The following SEC23IP variants were observed in gnomAD, a reference collection of about 807,000 sequenced individuals.
The protein encoded by SEC23IP is SEC23-interacting protein.
A neutral mutation model predicts 113.4 loss-of-function variants in SEC23IP; 70 were observed. That is an observed-to-expected ratio of 0.62 (90% CI 0.51 to 0.75). SEC23IP has a LOEUF of 0.75. Ranked by LOEUF, SEC23IP falls within the 30% of genes least tolerant of loss-of-function variation. The pLI is 0.00. For missense variants in SEC23IP, 1,160 were observed against 1,204.9 expected (o/e 0.96, Z 0.55); for synonymous variants, 398 against 421.0 (o/e 0.95, Z 0.67).
chr10:119,929,585 A>G, intron 13 of SEC23IP, 22 bp from the exon 14 acceptor site: 1 of 1,594,576 alleles, frequency 6.3e-7, no homozygotes, highest in Non-Finnish European at 8.6e-7. Context: ...ATCATCTTTC[A>G]TTGTTATTTG....
At chr10:119,906,690 C>T (rs1193671200) in intron 4 of SEC23IP, among the ~76,000 whole-genome samples, 3 of 152,098 alleles carry the variant, frequency 2.0e-5, no homozygotes, top group Non-Finnish European at 2.9e-5. Flanking sequence ...ATTCTCCTGC[C>T]TCAGCCTTCC....
At chr10:119,899,047 T>TA (rs1854389397) in intron 2 of SEC23IP, 88 bp downstream of exon 2, 1 of 1,117,340 alleles carries the variant, frequency 8.9e-7, no homozygotes, top group Non-Finnish European at 1.3e-6. Context: ...TTTCACATCT[T>TA]ATAATCAATA....
rs548789576 is a variant in SEC23IP, at chr10:119,905,279, C to A, written c.1101+1002C>A. 7.9e-5 allele frequency among the ~76,000 whole-genome samples: 12 copies of A among 152,116 alleles called. 1 individual carries two copies. Among genetic ancestry groups the A allele is most frequent in the Admixed American group, 7.9e-4 (12 of 15,286 alleles). ...TAAAGATATATTGTAATTTTTGGTA[C>A]CTTTTTGGTAGGCCCCTACGAAGCT... On this transcript the variant is annotated intron_variant, in intron 4 of 18. Coordinates refer to ENST00000369075, the MANE Select transcript of SEC23IP (RefSeq NM_007190.4).
chr10:119,925,502 T>G (rs1855391036), intron 12 of SEC23IP, among the ~76,000 whole-genome samples: 1 of 152,154 alleles, frequency 6.6e-6, no homozygotes, highest in African/African-American at 2.4e-5. Context: ...TCCCTAAATA[T>G]TTAGTATGCA....
intron 13 of SEC23IP, among the ~76,000 whole-genome samples, chr10:119,927,936 A>T (rs1014544310): frequency 6.6e-6 from 1 of 152,254 alleles, no homozygotes; most frequent in Non-Finnish European, 1.5e-5. Flanking sequence ...CTGTATTCTC[A>T]CTGGCAGTTT....
At chr10:119,921,946 T>C (rs1158323943) in intron 12 of SEC23IP, among the ~76,000 whole-genome samples, 2 of 134,414 alleles carry the variant, frequency 1.5e-5, no homozygotes, top group African/African-American at 5.8e-5. Context: ...ACTGATTTTT[T>C]TTTTAATGGT....
chr10:119,893,685 A>G (rs1156876785), intron 1 of SEC23IP, among the ~76,000 whole-genome samples: 1 of 151,736 alleles, frequency 6.6e-6, no homozygotes, highest in Non-Finnish European at 1.5e-5. Context: ...ATGCCTGGCT[A>G]ATTTTTGTAT....
chr10:119,908,152 G>A (rs1306008194), intron 4 of SEC23IP, among the ~76,000 whole-genome samples: 2 of 152,102 alleles, frequency 1.3e-5, no homozygotes, highest in Non-Finnish European at 2.9e-5. Flanking sequence ...CCAGTGCCCT[G>A]CAGAAACCAA....
At chr10:119,939,946 C>T (rs969647880) in intron 18 of SEC23IP, among the ~76,000 whole-genome samples, 1 of 152,178 alleles carries the variant, frequency 6.6e-6, no homozygotes, top group African/African-American at 2.4e-5. Flanking sequence ...ATCCACTTGC[C>T]TCGGCCTCCC....
In SEC23IP at chr10:119,915,743, TGAA is replaced by T. The variant is rs1589835529; in HGVS notation, c.1403-3_1403-1del. On this transcript the variant is annotated splice_acceptor_variant and splice_polypyrimidine_tract_variant and intron_variant, in intron 7 of 18. Coordinates refer to ENST00000369075, the MANE Select transcript of SEC23IP (RefSeq NM_007190.4). LOFTEE classifies it high-confidence loss of function. ...TATTTTCTCTTTTTTTTTTTTCTTT[TGAA>T]GTGGATGATTTTAGGGTGGTTTCTC... 6.5e-7 allele frequency: 1 copy of T among 1,542,794 alleles called. No homozygotes were observed. The highest frequency in any genetic ancestry group is 8.7e-7 in the Non-Finnish European group (1 of 1,144,752).
chr10:119,909,343 G>A (rs970269109), intron 5 of SEC23IP, among the ~76,000 whole-genome samples: 7 of 152,178 alleles, frequency 4.6e-5, no homozygotes, highest in South Asian at 2.1e-4. Flanking sequence ...CAAATTTTTC[G>A]TAGGGCGAGG....
chr10:119,921,103 C>A, intron 12 of SEC23IP, 119 bp downstream of exon 12: 1 of 650,346 alleles, frequency 1.5e-6, no homozygotes. Context: ...CTACCTAGGG[C>A]ACAGTAATGG....
intron 1 of SEC23IP, among the ~76,000 whole-genome samples, chr10:119,895,784 C>T (rs1589818288): frequency 6.6e-6 from 1 of 152,056 alleles, no homozygotes; most frequent in South Asian, 2.1e-4. Flanking sequence ...AGGGATGGAG[C>T]TCATCCCTCT....
chr10:119,898,393 C>T (rs749376977), intron 1 of SEC23IP, 34 bp from the exon 2 acceptor site: 18 of 1,575,250 alleles, frequency 1.1e-5, no homozygotes, highest in Non-Finnish European at 1.6e-5. Context: ...GATAGAGTAC[C>T]CTTTAAACCA....
At chr10:119,898,282 GA>G in intron 1 of SEC23IP, 144 bp from the exon 2 acceptor site, 33 of 1,301,494 alleles carry the variant, frequency 2.5e-5, no homozygotes, top group Non-Finnish European at 3.2e-5. Context: ...AAGAAAAAAA[GA>G]AAAAACTGTT....
At chr10:119,907,057 G>T (rs1250546594) in intron 4 of SEC23IP, among the ~76,000 whole-genome samples, 2 of 151,668 alleles carry the variant, frequency 1.3e-5, no homozygotes, top group African/African-American at 2.4e-5. Flanking sequence ...CAGCACTTTG[G>T]AGGCCGAGGC....
chr10:119,941,751 T>C lies in SEC23IP; in HGVS notation c.*1186T>C, dbSNP rs1447504195. On this transcript the variant is annotated 3_prime_UTR_variant, in exon 19 of 19. Transcript: ENST00000369075. ...TAAGCAGCAAACTTATGTATTTCTC[T>C]TGTCTTCCTTAAAAGTGTCCCCATG... 7.9e-5 allele frequency: 12 copies of C among 152,682 alleles called. No homozygotes were observed. 9.5% of individuals were successfully genotyped at this position (152,682 alleles called of 1,614,324 possible). A position where few individuals can be genotyped will look rare whatever the true frequency, so the allele number is the denominator to read the frequency against.
chr10:119,914,540 C>T (rs1261396790), intron 6 of SEC23IP, 190 bp from the exon 7 acceptor site: 16 of 541,880 alleles, frequency 3.0e-5, no homozygotes, highest in Middle Eastern at 4.9e-4. Context: ...TGTTCTAGTT[C>T]GCTTTTATAT....
intron 13 of SEC23IP, among the ~76,000 whole-genome samples, chr10:119,926,664 A>G (rs1157161500): frequency 3.3e-5 from 5 of 152,332 alleles, no homozygotes; most frequent in Non-Finnish European, 5.9e-5. Flanking sequence ...ATTTAATGAT[A>G]TACTTTAACA....
Sources: allele counts gnomAD v4.1 joint callset (sites outside exome capture counted in the v4.1 genomes callset), GRCh38; gene constraint gnomAD v4.1.1; transcripts MANE v1.5; gene names NCBI Gene and HGNC (gene_info 2026-07-23, HGNC 2026-07-21).